PSEN1: variants seen among roughly 807,000 people sequenced by gnomAD.
The protein encoded by PSEN1 is presenilin 1, also known as presenilin-1.
A neutral mutation model predicts 53.5 loss-of-function variants in PSEN1; 15 were observed. That is an observed-to-expected ratio of 0.28 (90% CI 0.19 to 0.43). The LOEUF is 0.43. Ranked by LOEUF, PSEN1 falls within the 20% of genes least tolerant of loss-of-function variation. The pLI, the probability that PSEN1 is intolerant of heterozygous loss-of-function variation, is 1.00. For synonymous variants in PSEN1, 208 were observed against 209.8 expected, an observed-to-expected ratio of 0.99 and a Z score of 0.08; for missense variants, 387 against 571.2, an observed-to-expected ratio of 0.68 and a Z score of 3.29.
chr14:73,210,011 C>A (rs1460166745), intron 9 of PSEN1, among the ~76,000 whole-genome samples: 1 of 152,192 alleles, frequency 6.6e-6, no homozygotes. Context: ...TAGTTATTTC[C>A]AAACACTCCC....
At chr14:73,158,654 G>A in intron 3 of PSEN1, among the ~76,000 whole-genome samples, 1 of 152,146 alleles carries the variant, frequency 6.6e-6, no homozygotes, top group East Asian at 1.9e-4. Context: ...AGAAGATGGA[G>A]TCTTCCTATG....
At position 73,219,372 on chromosome 14, in the gene PSEN1, C is replaced by G; in HGVS notation, c.*83C>G. On this transcript the variant is annotated 3_prime_UTR_variant, in exon 12 of 12. Coordinates refer to ENST00000324501, the MANE Select transcript of PSEN1 (RefSeq NM_000021.4). ...GAGGACAAAGGTGATTTTCCTGTGT[C>G]CACATCTAACAAAGTCAAGATTCCC... The G allele has an allele frequency of 7.1e-7, 1 of 1,403,318 alleles. No individual in the cohort carries two copies. Among genetic ancestry groups the G allele is most frequent in the Non-Finnish European group, 1.0e-6 (1 of 996,330 alleles). The allele number at this position is 1,403,318 out of a possible 1,614,324, so 86.9% of individuals were successfully genotyped here. A position where few individuals can be genotyped will look rare whatever the true frequency, so the allele number is the denominator to read the frequency against.
chr14:73,198,251 A>C, intron 8 of PSEN1, 122 bp downstream of exon 8: 1 of 686,310 alleles, frequency 1.5e-6, no homozygotes, highest in Non-Finnish European at 2.6e-6. Context: ...GCATTCCTGG[A>C]ACTCCTGCAG....
At chr14:73,152,794 G>A (rs1012786115) in intron 3 of PSEN1, among the ~76,000 whole-genome samples, 23 of 152,156 alleles carry the variant, frequency 1.5e-4, no homozygotes, top group African/African-American at 5.5e-4. Flanking sequence ...TGTAATCCCA[G>A]CACTTTGGGA....
intron 11 of PSEN1, among the ~76,000 whole-genome samples, chr14:73,218,118 G>A (rs1899996868): frequency 8.4e-6 from 1 of 119,382 alleles, no homozygotes; most frequent in South Asian, 2.8e-4. Context: ...TGGAGACAGA[G>A]TCTTGCTCTG....
intron 3 of PSEN1, chr14:73,167,776 G>A (rs1262857860): frequency 6.7e-6 from 1 of 148,622 alleles, no homozygotes. Flanking sequence ...GGTGGGGTTG[G>A]ATAAGAAAAG....
Position 73,211,824 on chromosome 14 carries a change from T to C in PSEN1, c.1011T>C (p.Ser337=), listed in dbSNP as rs761010563. 1.9e-6 allele frequency: 3 copies of C among 1,613,972 alleles called. No individual in the cohort carries two copies. The South Asian group carries it at 3.3e-5, about 18-fold the overall frequency. Residue 337 remains serine (S), a synonymous_variant, in exon 10 of 12, where the codon AGT becomes AGC. Coordinates refer to ENST00000324501, the MANE Select transcript of PSEN1 (RefSeq NM_000021.4). ...TVAENDDGGF[S]EEWEAQRDSH... is the part of the protein sequence containing the mutation. ...CAGAGAATGATGATGGCGGGTTCAG[T>C]GAGGAATGGGAAGCCCAGAGGGACA...
At chr14:73,195,623 ACT>A (rs2140099721) in intron 7 of PSEN1, among the ~76,000 whole-genome samples, 1 of 148,366 alleles carries the variant, frequency 6.7e-6, no homozygotes, top group Admixed American at 6.7e-5. Context: ...ACAGGATCTC[ACT>A]CTGTCTCCCA....
rs376000184 is a variant in PSEN1, at chr14:73,185,098, C to T, written c.481-1755C>T. On this transcript the variant is annotated intron_variant, in intron 5 of 11. Transcript: ENST00000324501. ...CTTCCTAGGTGGGATGGCGGCCGGGCGGAGACGCTCCTCACTTTCCAGACT... is the reference window on the plus strand; with the variant it reads ...CTTCCTAGGTGGGATGGCGGCCGGGTGGAGACGCTCCTCACTTTCCAGACT... 2.2e-4 allele frequency among the ~76,000 whole-genome samples: 34 copies of T among 151,410 alleles called. No individual in the cohort carries two copies. The South Asian group carries it at 5.6e-3, about 25-fold the overall frequency.
At chr14:73,197,242 A>G (rs980077377) in intron 7 of PSEN1, among the ~76,000 whole-genome samples, 1 of 152,144 alleles carries the variant, frequency 6.6e-6, no homozygotes, top group African/African-American at 2.4e-5. Context: ...CTATATGCTG[A>G]ATTTTCATGA....
chr14:73,200,433 C>A (rs763279216), intron 8 of PSEN1, among the ~76,000 whole-genome samples: 1 of 151,998 alleles, frequency 6.6e-6, no homozygotes, highest in Non-Finnish European at 1.5e-5. Flanking sequence ...CCACGCCTGG[C>A]TGATTTTTGT....
chr14:73,195,655 G>A lies in PSEN1; in HGVS notation c.770-2376G>A, dbSNP rs550086496. On this transcript the variant is annotated intron_variant, in intron 7 of 11. Coordinates refer to ENST00000324501, the MANE Select transcript of PSEN1 (RefSeq NM_000021.4). ...CTCCCAGGCTGGAGTGAAGTGGCAC[G>A]ATTATAGCTCACTGTAGCTTCAAAA... Among the ~76,000 whole-genome samples the A allele has an allele frequency of 1.2e-4, 18 of 152,214 alleles. No homozygotes were observed. The East Asian group carries it at 2.7e-3, about 23-fold the overall frequency.
In PSEN1 at chr14:73,210,230, G is replaced by A. The variant is rs142533546; in HGVS notation, c.956-1539G>A. On this transcript the variant is annotated intron_variant, in intron 9 of 11. Coordinates refer to ENST00000324501, the MANE Select transcript of PSEN1 (RefSeq NM_000021.4). The stretch of plus-strand genomic sequence containing the variant: ...AGATAATAATATAAAATTCATCAGT[G>A]GAAAAAAATGAGGCAGTTTTCCAAA... Among the ~76,000 whole-genome samples, 11 of 152,122 alleles carry A rather than the reference G, an allele frequency of 7.2e-5. No homozygotes were observed. The East Asian group carries it at 1.9e-3, about 27-fold the overall frequency.
intron 7 of PSEN1, 49 bp from the exon 8 acceptor site, chr14:73,197,982 T>A (rs1899022565): frequency 9.6e-7 from 1 of 1,039,984 alleles, no homozygotes; most frequent in African/African-American, 1.6e-5. Context: ...CATTTACAAG[T>A]TTAGCCCATA....
intron 4 of PSEN1, among the ~76,000 whole-genome samples, chr14:73,172,969 C>T (rs891185400): frequency 2.0e-5 from 3 of 152,240 alleles, no homozygotes; most frequent in East Asian, 1.9e-4. Context: ...ACACATCTCC[C>T]TAGAAGTCAT....
intron 8 of PSEN1, among the ~76,000 whole-genome samples, chr14:73,205,407 A>T (rs61986900): frequency 0.056 from 8,461 of 150,310 alleles, 323 homozygotes; most frequent in Non-Finnish European, 0.089. Context: ...TGAACCCAGG[A>T]GACGGAGCTT....
chr14:73,189,801 C>T, intron 6 of PSEN1: 1 of 252,986 alleles, frequency 4.0e-6, no homozygotes. Context: ...CCCCAGCTCC[C>T]CTTAAGCTGA....
chr14:73,146,133 A>G (rs537533737), intron 1 of PSEN1: 2 of 152,006 alleles, frequency 1.3e-5, no homozygotes, highest in Admixed American at 6.5e-5. Context: ...AAAGGTATCG[A>G]TAACTCTTAA....
intron 4 of PSEN1, among the ~76,000 whole-genome samples, chr14:73,172,981 G>T (rs2140041798): frequency 6.6e-6 from 1 of 152,272 alleles, no homozygotes; most frequent in South Asian, 2.1e-4. Flanking sequence ...AGAAGTCATT[G>T]CCCTTACTTG....
Sources: allele counts gnomAD v4.1 joint callset (sites outside exome capture counted in the v4.1 genomes callset), GRCh38; gene constraint gnomAD v4.1.1; transcripts MANE v1.5; gene names NCBI Gene and HGNC (gene_info 2026-07-23, HGNC 2026-07-21).